CRIM1: variants seen among roughly 807,000 people sequenced by gnomAD.
CRIM1 encodes the protein cysteine-rich motor neuron 1 protein.
A neutral mutation model predicts 116.4 loss-of-function variants in CRIM1; 32 were observed. The ratio of observed to expected loss-of-function variants is 0.27; its 90% CI spans 0.21 to 0.37. The LOEUF is 0.37. Ranked by LOEUF, CRIM1 falls within the 10% of genes least tolerant of loss-of-function variation. The pLI, the probability that CRIM1 is intolerant of heterozygous loss-of-function variation, is 1.00. For missense variants in CRIM1, 1,331 were observed against 1,354.8 expected, an observed-to-expected ratio of 0.98 and a Z score of 0.28; for synonymous variants, 590 against 509.2, an observed-to-expected ratio of 1.16 and a Z score of -2.13.
intron 2 of CRIM1, among the ~76,000 whole-genome samples, chr2:36,398,245 C>T (rs3770935): frequency 0.19 from 28,969 of 152,016 alleles, 3,025 homozygotes; most frequent in South Asian, 0.33. Flanking sequence ...ATGGTGAGTG[C>T]GTCACCATTG....
chr2:36,509,871 T>G, intron 8 of CRIM1, 112 bp from the exon 9 acceptor site: 16 of 907,856 alleles, frequency 1.8e-5, no homozygotes, highest in South Asian at 3.5e-5. Context: ...ATGGTAGAGC[T>G]GAGAAATTGA....
At chr2:36,480,691 A>T (rs1679342067) in intron 7 of CRIM1, among the ~76,000 whole-genome samples, 1 of 152,164 alleles carries the variant, frequency 6.6e-6, no homozygotes, top group Non-Finnish European at 1.5e-5. Flanking sequence ...GACTTATTAA[A>T]GACCTTAAAA....
intron 4 of CRIM1, 151 bp from the exon 5 acceptor site, chr2:36,464,383 G>A: frequency 1.3e-6 from 1 of 756,786 alleles, no homozygotes; most frequent in Non-Finnish European, 2.2e-6. Context: ...AACCCCTCCT[G>A]CCTTCCCATT....
intron 7 of CRIM1, among the ~76,000 whole-genome samples, chr2:36,480,252 TGGA>T (rs1679304845): frequency 6.6e-6 from 1 of 152,206 alleles, no homozygotes; most frequent in Non-Finnish European, 1.5e-5. Flanking sequence ...TCTTGTTCAG[TGGA>T]GGGAAGCCTG....
intron 2 of CRIM1, among the ~76,000 whole-genome samples, chr2:36,410,516 T>C (rs1422774880): frequency 6.6e-6 from 1 of 152,154 alleles, no homozygotes; most frequent in South Asian, 2.1e-4. Context: ...GTTTTCTTTT[T>C]TTGTCTTTTC....
intron 13 of CRIM1, among the ~76,000 whole-genome samples, chr2:36,524,661 C>T (rs1029835707): frequency 6.6e-6 from 1 of 152,106 alleles, no homozygotes; most frequent in Non-Finnish European, 1.5e-5. Context: ...TGTTTTGCTA[C>T]TTAATTGTTA....
chr2:36,455,511 A>T (rs996517154), intron 4 of CRIM1, among the ~76,000 whole-genome samples: 2 of 152,236 alleles, frequency 1.3e-5, no homozygotes, highest in Non-Finnish European at 2.9e-5. Context: ...CTTGAACCTA[A>T]GACTGTGTTG....
intron 1 of CRIM1, among the ~76,000 whole-genome samples, chr2:36,376,169 A>G (rs912251238): frequency 3.9e-5 from 6 of 152,218 alleles, no homozygotes; most frequent in South Asian, 2.1e-4. Flanking sequence ...GTGGGAATCA[A>G]TAGATTGTTT....
At chr2:36,529,995 G>C (rs998353071) in intron 13 of CRIM1, among the ~76,000 whole-genome samples, 12 of 152,142 alleles carry the variant, frequency 7.9e-5, no homozygotes, top group Non-Finnish European at 1.8e-4. Flanking sequence ...ATGACAGCAT[G>C]TACCTCATTT....
At chr2:36,457,756 TAA>T (rs1339050686) in intron 4 of CRIM1, among the ~76,000 whole-genome samples, 1 of 144,502 alleles carries the variant, frequency 6.9e-6, no homozygotes. Context: ...TTGCAGCCTT[TAA>T]AAAAAAAAAA....
chr2:36,475,210 T>C (rs531395872), intron 5 of CRIM1, among the ~76,000 whole-genome samples: 2 of 152,382 alleles, frequency 1.3e-5, no homozygotes, highest in Non-Finnish European at 2.9e-5. Flanking sequence ...TAAACAATGT[T>C]GTCTTTCAAT....
In CRIM1 at chr2:36,511,585, C is replaced by T. The variant is rs530282405; in HGVS notation, c.1659-688C>T. On this transcript the variant is annotated intron_variant, in intron 9 of 16. Coordinates refer to ENST00000280527, the MANE Select transcript of CRIM1 (RefSeq NM_016441.3). ...AATCAAGGCTGTGTTCAAATCCAAC[C>T]GTCATGTTGGAGAAAAATCTCTTAG... is the stretch of plus-strand genomic sequence containing the variant. Among the ~76,000 whole-genome samples, 226 of 152,258 alleles carry T rather than the reference C, an allele frequency of 1.5e-3. 1 individual carries two copies. The highest frequency in any genetic ancestry group is 5.3e-3 in the African/African-American group (219 of 41,536).
At chr2:36,401,458 C>T (rs1672397788) in intron 2 of CRIM1, among the ~76,000 whole-genome samples, 1 of 152,130 alleles carries the variant, frequency 6.6e-6, no homozygotes, top group Non-Finnish European at 1.5e-5. Flanking sequence ...ACTTATTCAT[C>T]AGTGATTTGG....
At chr2:36,357,732 G>C (rs893906261) in intron 1 of CRIM1, among the ~76,000 whole-genome samples, 2 of 152,180 alleles carry the variant, frequency 1.3e-5, no homozygotes, top group Non-Finnish European at 2.9e-5. Context: ...CAGAGCGCAC[G>C]CAGCAGCCTC....
At chr2:36,464,247 C>T (rs1478950305) in intron 4 of CRIM1, among the ~76,000 whole-genome samples, 1 of 152,136 alleles carries the variant, frequency 6.6e-6, no homozygotes, top group African/African-American at 2.4e-5. Flanking sequence ...CGCTCAATAC[C>T]AGTCTGGTTA....
chr2:36,394,552 A>G (rs778515583), intron 1 of CRIM1, among the ~76,000 whole-genome samples: 1 of 151,952 alleles, frequency 6.6e-6, no homozygotes, highest in African/African-American at 2.4e-5. Context: ...GAAGATAGGA[A>G]TGTACCTTTA....
chr2:36,397,049 A>G (rs1672081682), intron 2 of CRIM1, among the ~76,000 whole-genome samples: 1 of 152,148 alleles, frequency 6.6e-6, no homozygotes, highest in Non-Finnish European at 1.5e-5. Context: ...ATAATGGATG[A>G]TTTCACAAGC....
At chr2:36,519,133 A>T (rs72789216) in intron 12 of CRIM1, among the ~76,000 whole-genome samples, 2,579 of 152,288 alleles carry the variant, frequency 0.017, 39 homozygotes, top group South Asian at 0.05. Flanking sequence ...GGATTAACTA[A>T]GGGAGTGGCA....
At chr2:36,471,761 C>CACACACA (rs72156127) in intron 5 of CRIM1, among the ~76,000 whole-genome samples, 9,974 of 128,572 alleles carry the variant, frequency 0.078, 426 homozygotes, top group East Asian at 0.17. Context: ...ACACACACAC[C>CACACACA]ATCTTACAAT....
Sources: gnomAD v4.1 joint callset for allele counts (sites outside exome capture counted in the v4.1 genomes callset) on GRCh38, gnomAD v4.1.1 for gene constraint, MANE v1.5 for transcripts, NCBI Gene and HGNC (gene_info 2026-07-23, HGNC 2026-07-21) for gene names.